The following TRPC4 variants were observed in gnomAD, a reference collection of about 807,000 sequenced individuals.
TRPC4 encodes the protein short transient receptor potential channel 4.
In TRPC4, 49 loss-of-function variants were observed where a neutral mutation model predicts 99.4. The observed-to-expected ratio is 0.49, with a 90% CI of 0.39 to 0.63. TRPC4 has a LOEUF of 0.63. Ranked by LOEUF, TRPC4 falls within the 20% of genes least tolerant of loss-of-function variation. The probability of loss-of-function intolerance (pLI) is 0.00; values close to 1 mark genes in which losing one functional copy is unlikely to be tolerated. For synonymous variants in TRPC4, 454 were observed against 425.9 expected, an observed-to-expected ratio of 1.07 and a Z score of -0.81; for missense variants, 898 against 1,152.9, an observed-to-expected ratio of 0.78 and a Z score of 3.20.
At chr13:37,803,888 T>G (rs1957467205) in intron 1 of TRPC4, among the ~76,000 whole-genome samples, 1 of 152,090 alleles carries the variant, frequency 6.6e-6, no homozygotes, top group African/African-American at 2.4e-5. Context: ...AAGATCAGTG[T>G]TGCTGGAGCA....
chr13:37,860,499 C>T (rs535419859), intron 1 of TRPC4, among the ~76,000 whole-genome samples: 5 of 151,466 alleles, frequency 3.3e-5, no homozygotes, highest in South Asian at 4.1e-4. Context: ...TTGTTTAAGC[C>T]TTTCTTCATA....
rs1952284351 is a variant in TRPC4, at chr13:37,657,728, G to A, written c.1689-2445C>T. Among the ~76,000 whole-genome samples, 3 of 152,012 alleles carry A rather than the reference G, an allele frequency of 2.0e-5. No individual in the cohort carries two copies. The South Asian group carries it at 6.2e-4, about 32-fold the overall frequency. On this transcript the variant is annotated intron_variant, in intron 6 of 10. Coordinates refer to ENST00000379705, the MANE Select transcript of TRPC4 (RefSeq NM_016179.4). ...TTATTATTTTGAATAGTACACATTT[G>A]CTCCTGTCTACATAGTAACTACTAA...
intron 3 of TRPC4, among the ~76,000 whole-genome samples, chr13:37,717,992 A>G (rs1954737529): frequency 6.6e-6 from 1 of 152,180 alleles, no homozygotes; most frequent in Non-Finnish European, 1.5e-5. Context: ...GTATATAGCT[A>G]GTAGCCTGAG....
At chr13:37,815,189 A>G (rs575778643) in intron 1 of TRPC4, among the ~76,000 whole-genome samples, 1 of 151,930 alleles carries the variant, frequency 6.6e-6, no homozygotes, top group South Asian at 2.1e-4. Context: ...AAAAGGATCA[A>G]AGATCTAAAT....
intron 2 of TRPC4, among the ~76,000 whole-genome samples, chr13:37,764,139 A>C (rs1459970469): frequency 6.6e-6 from 1 of 151,676 alleles, no homozygotes; most frequent in African/African-American, 2.4e-5. Context: ...AACAAGGCCC[A>C]GTGGTGTGAC....
intron 1 of TRPC4, among the ~76,000 whole-genome samples, chr13:37,796,148 T>C (rs1205013352): frequency 1.3e-5 from 2 of 152,158 alleles, no homozygotes; most frequent in South Asian, 2.1e-4. Context: ...CTTGCCTTTA[T>C]TGCTTAAACA....
At chr13:37,688,958 C>A (rs1953585567) in intron 4 of TRPC4, among the ~76,000 whole-genome samples, 1 of 152,144 alleles carries the variant, frequency 6.6e-6, no homozygotes, top group African/African-American at 2.4e-5. Flanking sequence ...TATCAGACAG[C>A]AGGACAGGAC....
At chr13:37,857,632 T>C (rs747591886) in intron 1 of TRPC4, among the ~76,000 whole-genome samples, 1 of 151,592 alleles carries the variant, frequency 6.6e-6, no homozygotes, top group South Asian at 2.1e-4. Context: ...AGTGAACTAA[T>C]TTCTAACAAA....
At chr13:37,704,235 A>C (rs529999556) in intron 3 of TRPC4, among the ~76,000 whole-genome samples, 135 of 152,336 alleles carry the variant, frequency 8.9e-4, no homozygotes, top group African/African-American at 3.2e-3. Context: ...AAGAATTATA[A>C]AAGAGCAGAA....
chr13:37,680,546 A>G (rs551882734), intron 4 of TRPC4, among the ~76,000 whole-genome samples: 1 of 152,340 alleles, frequency 6.6e-6, no homozygotes, highest in East Asian at 1.9e-4. Flanking sequence ...TACCAAAAGC[A>G]GTCATCACAA....
At chr13:37,860,261 AT>A (rs1175630452) in intron 1 of TRPC4, among the ~76,000 whole-genome samples, 1 of 151,478 alleles carries the variant, frequency 6.6e-6, no homozygotes, top group Non-Finnish European at 1.5e-5. Context: ...ATTTGAAAAT[AT>A]TCATATGGTG....
At chr13:37,670,019 T>G (rs1952782763) in intron 5 of TRPC4, among the ~76,000 whole-genome samples, 1 of 152,126 alleles carries the variant, frequency 6.6e-6, no homozygotes, top group Non-Finnish European at 1.5e-5. Flanking sequence ...AGTGTCCTTA[T>G]AAGGAGACAC....
rs760141036 is a variant in TRPC4 at position 37,637,077 on chromosome 13, C to T, written c.2760G>A (p.Gly920=). 5.0e-6 allele frequency: 8 copies of T among 1,613,732 alleles called. No homozygotes were observed. Among genetic ancestry groups the T allele is most frequent in the Non-Finnish European group, 6.8e-6 (8 of 1,179,780 alleles). Residue 920 remains glycine (G), a synonymous_variant, in exon 11 of 11, where the codon GGG becomes GGA. Transcript: ENST00000379705. ...GACACACTCTCTTTCCTACCTGTAA[C>T]CCCAGTGTGTCCGTATTCCTTTCTC... ...DHRERNTDTL[G]LQVGKRVCPF... is the part of the protein sequence containing the mutation.
intron 2 of TRPC4, among the ~76,000 whole-genome samples, chr13:37,765,978 T>TC (rs1333675138): frequency 6.6e-6 from 1 of 151,160 alleles, no homozygotes; most frequent in Non-Finnish European, 1.5e-5. Context: ...ATGAATCATT[T>TC]TTTTTCCACT....
intron 6 of TRPC4, among the ~76,000 whole-genome samples, chr13:37,658,729 TA>T (rs901308772): frequency 1.3e-5 from 2 of 152,194 alleles, no homozygotes; most frequent in Admixed American, 6.5e-5. Context: ...TTTCAACAAC[TA>T]AATATTTTGT....
At chr13:37,825,907 A>T (rs1307675768) in intron 1 of TRPC4, among the ~76,000 whole-genome samples, 4 of 147,668 alleles carry the variant, frequency 2.7e-5, no homozygotes, top group African/African-American at 7.5e-5. Context: ...TGTGGGAGTC[A>T]AAGTCTCTTT....
chr13:37,840,039 GA>G (rs1383136662), intron 1 of TRPC4, among the ~76,000 whole-genome samples: 1 of 151,970 alleles, frequency 6.6e-6, no homozygotes, highest in Non-Finnish European at 1.5e-5. Context: ...TTTGCAAGCA[GA>G]AAATAATATG....
chr13:37,816,249 A>T (rs1957850811), intron 1 of TRPC4, among the ~76,000 whole-genome samples: 1 of 151,900 alleles, frequency 6.6e-6, no homozygotes, highest in African/African-American at 2.4e-5. Flanking sequence ...ACAACACAGG[A>T]GCACCCAGAC....
chr13:37,788,084 G>A, intron 1 of TRPC4, among the ~76,000 whole-genome samples: 1 of 151,988 alleles, frequency 6.6e-6, no homozygotes, highest in Non-Finnish European at 1.5e-5. Flanking sequence ...ACTCCACCCT[G>A]AGAGTTAGAA....
Sources: gnomAD v4.1 joint callset for allele counts (sites outside exome capture counted in the v4.1 genomes callset) on GRCh38, gnomAD v4.1.1 for gene constraint, MANE v1.5 for transcripts, NCBI Gene and HGNC (gene_info 2026-07-23, HGNC 2026-07-21) for gene names.